The following PCBP3 variants were observed in gnomAD, a reference collection of about 807,000 sequenced individuals.
PCBP3 encodes the protein poly(rC) binding protein 3, also known as poly(rC)-binding protein 3.
A neutral mutation model predicts 52.7 loss-of-function variants in PCBP3; 25 were observed. That is an observed-to-expected ratio of 0.47 (90% confidence interval 0.35 to 0.66). The LOEUF is 0.66. PCBP3 is among the 30% of genes least tolerant of loss of function. The pLI is 0.01. For synonymous variants in PCBP3, 162 were observed against 183.0 expected, an observed-to-expected ratio of 0.89 and a Z score of 0.93; for missense variants, 391 against 490.3, an observed-to-expected ratio of 0.80 and a Z score of 1.91.
At position 45,704,215 on chromosome 21, in the gene PCBP3, G is replaced by C. The variant is rs2083305794; in HGVS notation, c.-199-31177G>C. Among the ~76,000 whole-genome samples the C allele has an allele frequency of 6.6e-6, 1 of 152,154 alleles. No individual in the cohort carries two copies. Among genetic ancestry groups the C allele is most frequent in the African/African-American group, 2.4e-5 (1 of 41,430 alleles). The stretch of plus-strand genomic sequence containing the variant: ...AAGGTCATATCAGATGCTGGGGATG[G>C]CTCCAAGGAGACTCTGGTGGCAACC... On this transcript the variant is annotated intron_variant, in intron 2 of 17. Coordinates refer to ENST00000681687, the MANE Select transcript of PCBP3 (RefSeq NM_001384156.1). This position sits in a 1 kb window ranked among gnomAD's most constrained non-coding sequence, Gnocchi z 4.1.
At chr21:45,822,641 A>AGGGGACAGGG (rs2093174955) in intron 4 of PCBP3, among the ~76,000 whole-genome samples, 1 of 151,412 alleles carries the variant, frequency 6.6e-6, no homozygotes, top group African/African-American at 2.4e-5. Context: ...CGGACCCGGC[A>AGGGGACAGGG]TGGGACAGGG....
At chr21:45,920,181 G>A (rs1300667350) in intron 13 of PCBP3, among the ~76,000 whole-genome samples, 5 of 152,202 alleles carry the variant, frequency 3.3e-5, no homozygotes. Flanking sequence ...GAAGTTGGAT[G>A]CTCAGACCTG....
chr21:45,742,260 T>C (rs2086507965), intron 3 of PCBP3, among the ~76,000 whole-genome samples: 2 of 152,230 alleles, frequency 1.3e-5, no homozygotes, highest in African/African-American at 4.8e-5. Context: ...GCATAATGTG[T>C]AATTGCCAGG....
At chr21:45,766,941 A>AAGTGTCTAGT (rs1465618389) in intron 4 of PCBP3, among the ~76,000 whole-genome samples, 1 of 152,228 alleles carries the variant, frequency 6.6e-6, no homozygotes, top group Non-Finnish European at 1.5e-5. Flanking sequence ...AGTCTGTCAG[A>AAGTGTCTAGT]CACTGACTAG....
intron 10 of PCBP3, among the ~76,000 whole-genome samples, chr21:45,910,687 C>T (rs570576954): frequency 3.3e-5 from 5 of 152,254 alleles, no homozygotes; most frequent in South Asian, 2.1e-4. Context: ...GTGCCAAGTG[C>T]GCCCGAGGGA....
At position 45,853,107 on chromosome 21, in the gene PCBP3, G is replaced by T. The variant is rs139155013; in HGVS notation, c.10+3012G>T. On this transcript the variant is annotated intron_variant, in intron 5 of 17. Coordinates refer to ENST00000681687, the MANE Select transcript of PCBP3 (RefSeq NM_001384156.1). The surrounding 1 kb of genome is among the most constrained non-coding windows in gnomAD (Gnocchi z 4.6). ...AAAGTGCACATGCCGCTGGCCAGAG[G>T]GGGTGGGCTGGCATGTCTTCTCTGG... Among the ~76,000 whole-genome samples, 2 of 152,210 alleles carry T rather than the reference G, an allele frequency of 1.3e-5. No individual in the cohort carries two copies. Among genetic ancestry groups the T allele is most frequent in the African/African-American group, 4.8e-5 (2 of 41,454 alleles).
intron 17 of PCBP3, 32 bp downstream of exon 17, chr21:45,940,231 C>G: frequency 1.3e-6 from 2 of 1,581,294 alleles, no homozygotes; most frequent in Non-Finnish European, 1.7e-6. Context: ...CTGAGAGACG[C>G]CCGGAAAGGG....
chr21:45,939,693 C>T lies in PCBP3; in HGVS notation c.910-337C>T, dbSNP rs571379084. 6.6e-5 allele frequency among the ~76,000 whole-genome samples: 10 copies of T among 152,340 alleles called. No individual in the cohort carries two copies. In the South Asian group the frequency reaches 1.0e-3, roughly 16 times the overall value. ...CAGCTGCTGGCTGCCACCTGTGGGT[C>T]GCTCCTGGACCCCGGGGTGACCAGT... is the stretch of plus-strand genomic sequence containing the variant. On this transcript the variant is annotated intron_variant, in intron 16 of 17. Transcript: ENST00000681687.
intron 2 of PCBP3, among the ~76,000 whole-genome samples, chr21:45,688,228 AT>A (rs920520924): frequency 1.3e-5 from 2 of 152,200 alleles, no homozygotes; most frequent in Admixed American, 6.5e-5. Flanking sequence ...CCAGCAACCA[AT>A]TTGTTCTACT....
intron 5 of PCBP3, among the ~76,000 whole-genome samples, chr21:45,856,075 C>G (rs2094282122): frequency 6.6e-6 from 1 of 152,220 alleles, no homozygotes; most frequent in Non-Finnish European, 1.5e-5. Flanking sequence ...AATGGGCCTC[C>G]AAAGCCATCT....
rs2086478416 is a variant in PCBP3 at position 45,741,894 on chromosome 21, C to A, written c.-162+6465C>A. 6.6e-6 allele frequency among the ~76,000 whole-genome samples: 1 copy of A among 152,118 alleles called. No individual in the cohort carries two copies. Among genetic ancestry groups the A allele is most frequent in the East Asian group, 1.9e-4 (1 of 5,178 alleles). On this transcript the variant is annotated intron_variant, in intron 3 of 17. Transcript: ENST00000681687. The surrounding 1 kb of genome is among the most constrained non-coding windows in gnomAD (Gnocchi z 4.5). ...TCTGCAGCGTTAGGCCTGGTGAGCG[C>A]CTCTTGCCCAGTGCCCTGGGGGCGG...
chr21:45,870,493 C>A (rs1199527963), intron 5 of PCBP3, among the ~76,000 whole-genome samples: 1 of 152,260 alleles, frequency 6.6e-6, no homozygotes, highest in Non-Finnish European at 1.5e-5. Context: ...AGCTGCGTCT[C>A]CTGCTTCCCT....
At position 45,903,236 on chromosome 21, in the gene PCBP3, G is replaced by A. The variant is rs139910963; in HGVS notation, c.339+2123G>A. ...CCAAGGCCTGTGTCCTCCAGCTTCA[G>A]TTGGGACCTGTTTTAGTTTCTCCCT... On this transcript the variant is annotated intron_variant, in intron 9 of 17. Transcript: ENST00000681687. Among the ~76,000 whole-genome samples the A allele has an allele frequency of 4.1e-3, 625 of 152,288 alleles. 5 individuals are homozygous for A. Among genetic ancestry groups the A allele is most frequent in the African/African-American group, 0.015 (608 of 41,558 alleles).
At chr21:45,826,223 A>C (rs1006364983) in intron 4 of PCBP3, among the ~76,000 whole-genome samples, 4 of 151,752 alleles carry the variant, frequency 2.6e-5, no homozygotes, top group Non-Finnish European at 4.4e-5. Flanking sequence ...GCGGCATTGC[A>C]CTCCAGCCTG....
In PCBP3 at chr21:45,704,591, A is replaced by G. The variant is rs929638023; in HGVS notation, c.-199-30801A>G. On this transcript the variant is annotated intron_variant, in intron 2 of 17. Coordinates refer to ENST00000681687, the MANE Select transcript of PCBP3 (RefSeq NM_001384156.1). This position sits in a 1 kb window ranked among gnomAD's most constrained non-coding sequence, Gnocchi z 4.1. ...ATGGGAAGGAGGGAGACATGGAGACATAAAACATTGTCTAAGTGAAGGGCA... is the reference window on the plus strand; with the variant it reads ...ATGGGAAGGAGGGAGACATGGAGACGTAAAACATTGTCTAAGTGAAGGGCA... Among the ~76,000 whole-genome samples the G allele has an allele frequency of 1.3e-5, 2 of 152,120 alleles. No individual in the cohort carries two copies. Among genetic ancestry groups the G allele is most frequent in the African/African-American group, 4.8e-5 (2 of 41,408 alleles).
At chr21:45,725,035 GT>G (rs911654291) in intron 2 of PCBP3, among the ~76,000 whole-genome samples, 1 of 150,928 alleles carries the variant, frequency 6.6e-6, no homozygotes, top group African/African-American at 2.4e-5. Flanking sequence ...TTTTGCTTGG[GT>G]TTTTTTTTGC....
At chr21:45,700,594 C>T (rs534998806) in intron 2 of PCBP3, among the ~76,000 whole-genome samples, 115 of 152,306 alleles carry the variant, frequency 7.6e-4, no homozygotes, top group African/African-American at 2.6e-3. Context: ...CTCTCCGGTG[C>T]TAACAGACCT....
chr21:45,707,502 T>C (rs945363962), intron 2 of PCBP3, among the ~76,000 whole-genome samples: 1 of 152,108 alleles, frequency 6.6e-6, no homozygotes. Context: ...GGAGACAAAG[T>C]GAGACTCCGT....
At chr21:45,706,852 A>G (rs1228085677) in intron 2 of PCBP3, among the ~76,000 whole-genome samples, 1 of 152,216 alleles carries the variant, frequency 6.6e-6, no homozygotes, top group Non-Finnish European at 1.5e-5. Context: ...ACTGACATCT[A>G]GGAATTAGGT....
Sources: gnomAD v4.1 joint callset for allele counts (sites outside exome capture counted in the v4.1 genomes callset) on GRCh38, gnomAD v4.1.1 for gene constraint, Gnocchi (gnomAD v3.1) non-coding constraint, MANE v1.5 for transcripts, NCBI Gene and HGNC (gene_info 2026-07-23, HGNC 2026-07-21) for gene names.